The following ZNF385D variants were observed in gnomAD, a reference collection of about 807,000 sequenced individuals.
ZNF385D encodes the protein zinc finger protein 385D.
Under a neutral mutation model 35.8 loss-of-function variants are expected in ZNF385D, and 15 were observed. That is an observed-to-expected ratio of 0.42 (90% confidence interval 0.28 to 0.64). The LOEUF is 0.64. Among genes scored for constraint, ZNF385D ranks in the 30% least tolerant of loss-of-function variants. The probability of loss-of-function intolerance (pLI) is 0.23; values close to 1 mark genes in which losing one functional copy is unlikely to be tolerated. For synonymous variants in ZNF385D, 212 were observed against 186.8 expected (o/e 1.13, Z -1.10); for missense variants, 474 against 494.6 (o/e 0.96, Z 0.39).
At chr3:21,757,193 G>T (rs538257274) in intron 3 of ZNF385D, among the ~76,000 whole-genome samples, 1 of 145,906 alleles carries the variant, frequency 6.9e-6, no homozygotes, top group East Asian at 2.0e-4. Flanking sequence ...CTGGAGTGGC[G>T]CAATCTCAGC....
intron 3 of ZNF385D, among the ~76,000 whole-genome samples, chr3:21,788,888 G>A (rs1386644790): frequency 6.6e-6 from 1 of 152,192 alleles, no homozygotes. Flanking sequence ...TATAACAGCT[G>A]CACAGAAAGC....
intron 4 of ZNF385D, among the ~76,000 whole-genome samples, chr3:21,455,624 A>G (rs1398949325): frequency 6.6e-6 from 1 of 152,356 alleles, no homozygotes; most frequent in Non-Finnish European, 1.5e-5. Flanking sequence ...ACCTAAAAGC[A>G]TAAAAACCCT....
intron 3 of ZNF385D, among the ~76,000 whole-genome samples, chr3:21,931,889 C>T (rs1024478672): frequency 6.6e-6 from 1 of 152,032 alleles, no homozygotes; most frequent in South Asian, 2.1e-4. Flanking sequence ...AGGCCGGGCG[C>T]GGTGGCTCAC....
At chr3:21,452,323 T>C (rs760425984) in intron 4 of ZNF385D, among the ~76,000 whole-genome samples, 2 of 152,020 alleles carry the variant, frequency 1.3e-5, no homozygotes, top group African/African-American at 2.4e-5. Context: ...ATGTAAAAAC[T>C]AATGTTCAAC....
chr3:21,967,953 A>C lies in ZNF385D; in HGVS notation c.325+200864T>G, dbSNP rs573995788. Among the ~76,000 whole-genome samples, 13 of 152,326 alleles carry C rather than the reference A, an allele frequency of 8.5e-5. 1 individual carries two copies. Among genetic ancestry groups the C allele is most frequent in the Admixed American group, 7.2e-4 (11 of 15,308 alleles). Reference sequence around the variant, plus strand: ...ATCTGTTCTTAACATCATGTAAGGAAAGAGACACTAAAGTGGGTAGTTTTA... The same window carrying C: ...ATCTGTTCTTAACATCATGTAAGGACAGAGACACTAAAGTGGGTAGTTTTA... On this transcript the variant is annotated intron_variant, in intron 3 of 5. Coordinates refer to the ZNF385D transcript ENST00000494108.
chr3:21,796,827 C>T (rs925964215), intron 3 of ZNF385D, among the ~76,000 whole-genome samples: 1 of 152,144 alleles, frequency 6.6e-6, no homozygotes, highest in Admixed American at 6.5e-5. Flanking sequence ...AAAGTCCTTG[C>T]TCACAGACAC....
chr3:22,246,661 GTC>G (rs1011309496), intron 2 of ZNF385D, among the ~76,000 whole-genome samples: 2 of 152,098 alleles, frequency 1.3e-5, no homozygotes, highest in African/African-American at 4.8e-5. Context: ...AGCCTTAAGT[GTC>G]TGTTTTTCTA....
chr3:22,031,268 G>A (rs982042450), intron 3 of ZNF385D, among the ~76,000 whole-genome samples: 1 of 152,174 alleles, frequency 6.6e-6, no homozygotes, highest in Non-Finnish European at 1.5e-5. Context: ...ATTCTGTGGG[G>A]GCTCCAAGCC....
Position 21,421,340 on chromosome 3 carries a change from G to A in ZNF385D, c.1062C>T (p.Pro354=), listed in dbSNP as rs1700727817. The A allele has an allele frequency of 1.2e-6, 2 of 1,613,748 alleles. No individual in the cohort carries two copies. The highest frequency in any genetic ancestry group is 1.7e-5 in the Admixed American group (1 of 59,986). ...AAAAAVAVSS[P]FSLRTAPAAT... is the part of the protein sequence containing the mutation. ...CTGCTGGAGCAGTTCGAAGACTGAA[G>A]GGGGAACTCACTGCCACTGCTGCTG... The change falls in exon 8 of 8, where the codon CCC becomes CCT. Residue 354 remains proline (P), a synonymous_variant. Coordinates refer to ENST00000281523, the MANE Select transcript of ZNF385D (RefSeq NM_024697.3).
intron 3 of ZNF385D, among the ~76,000 whole-genome samples, chr3:21,881,248 T>G (rs1698262598): frequency 6.6e-6 from 1 of 151,954 alleles, no homozygotes; most frequent in African/African-American, 2.4e-5. Flanking sequence ...AGGAAGTTAG[T>G]GCCTGGCATC....
At chr3:22,030,292 T>TCCTATACAAATAACAAATAGG (rs1697901632) in intron 3 of ZNF385D, among the ~76,000 whole-genome samples, 3 of 103,560 alleles carry the variant, frequency 2.9e-5, no homozygotes, top group African/African-American at 1.2e-4. Flanking sequence ...TATATATATA[T>TCCTATACAAATAACAAATAGG]ATATATATAT....
intron 3 of ZNF385D, among the ~76,000 whole-genome samples, chr3:22,085,934 A>T (rs918086393): frequency 2.6e-5 from 4 of 152,200 alleles, no homozygotes; most frequent in African/African-American, 9.7e-5. Flanking sequence ...CATCACATAA[A>T]CACAACCAAT....
chr3:22,314,071 CATTAT>C (rs1402163176), intron 2 of ZNF385D, among the ~76,000 whole-genome samples: 2 of 152,092 alleles, frequency 1.3e-5, no homozygotes, highest in Admixed American at 6.6e-5. Context: ...AGATTTTTTT[CATTAT>C]AATTCCCCTA....
At chr3:21,511,895 T>A in intron 3 of ZNF385D, 1 of 425,510 alleles carries the variant, frequency 2.4e-6, no homozygotes, top group South Asian at 1.7e-5. Context: ...ATGACTGTAA[T>A]CCAAGCACTT....
chr3:22,010,605 A>T (rs1696511174), intron 3 of ZNF385D, among the ~76,000 whole-genome samples: 1 of 152,000 alleles, frequency 6.6e-6, no homozygotes, highest in South Asian at 2.1e-4. Context: ...CCAGTCTAAG[A>T]CTCTTCTGAT....
chr3:22,327,245 C>G (rs190007422), intron 2 of ZNF385D, among the ~76,000 whole-genome samples: 5 of 152,158 alleles, frequency 3.3e-5, no homozygotes, highest in African/African-American at 1.2e-4. Context: ...TTAAACCTTA[C>G]AAGTTGGATT....
At chr3:21,481,902 A>G (rs1267215569) in intron 4 of ZNF385D, among the ~76,000 whole-genome samples, 2 of 152,098 alleles carry the variant, frequency 1.3e-5, no homozygotes, top group Non-Finnish European at 2.9e-5. Context: ...CCCTGTTCCA[A>G]ATAGCAAATT....
intron 1 of ZNF385D, among the ~76,000 whole-genome samples, chr3:21,730,559 G>A (rs919349619): frequency 2.0e-5 from 3 of 152,190 alleles, no homozygotes; most frequent in African/African-American, 7.2e-5. Context: ...GTCAGGCACT[G>A]TCTAATGCTA....
At chr3:21,494,756 A>G (rs1439062840) in intron 4 of ZNF385D, among the ~76,000 whole-genome samples, 1 of 152,154 alleles carries the variant, frequency 6.6e-6, no homozygotes, top group Non-Finnish European at 1.5e-5. Context: ...TGTCTCCTCC[A>G]TTTAAATGAA....
Sources: allele counts gnomAD v4.1 joint callset (sites outside exome capture counted in the v4.1 genomes callset), GRCh38; gene constraint gnomAD v4.1.1; transcripts MANE v1.5; gene names NCBI Gene and HGNC (gene_info 2026-07-23, HGNC 2026-07-21).